Variants in ATXN1 observed in about 807,000 individuals in gnomAD.
ATXN1 encodes the protein ataxin 1, also known as ataxin-1.
Under a neutral mutation model 56.4 loss-of-function variants are expected in ATXN1, and 8 were observed. The observed-to-expected ratio is 0.14, with a 90% CI of 0.08 to 0.26. The LOEUF (loss-of-function observed/expected upper bound fraction) is 0.26, where lower values mean the gene tolerates loss of function less well. Ranked by LOEUF, ATXN1 falls within the 10% of genes least tolerant of loss-of-function variation. ATXN1 has a pLI of 1.00. For synonymous variants in ATXN1, 514 were observed against 494.6 expected (o/e 1.04, Z -0.52); for missense variants, 987 against 1,106.5 (o/e 0.89, Z 1.53).
In ATXN1 at chr6:16,324,160, A is replaced by G. The variant is rs1285256779; in HGVS notation, c.1917+2234T>C. Among the ~76,000 whole-genome samples the G allele has an allele frequency of 2.0e-5, 3 of 152,302 alleles. No individual in the cohort carries two copies. The East Asian group carries it at 5.8e-4, about 29-fold the overall frequency. On this transcript the variant is annotated intron_variant, in intron 7 of 7. Coordinates refer to ENST00000436367, the MANE Select transcript of ATXN1 (RefSeq NM_001128164.2). Reference sequence around the variant, plus strand: ...TGGGCATTTAAGAAATGCTCAAAAAAGCCAGACATAGGGACTCGTGTCTGT... The same window carrying G: ...TGGGCATTTAAGAAATGCTCAAAAAGGCCAGACATAGGGACTCGTGTCTGT...
At chr6:16,455,870 GGTAAAATGCACCAATCAACGCTCT>G (rs1279326648) in intron 6 of ATXN1, among the ~76,000 whole-genome samples, 40 of 152,140 alleles carry the variant, frequency 2.6e-4, no homozygotes, top group South Asian at 6.2e-4. Context: ...ATCAGCACTT[GGTAAAATGCACCAATCAACGCTCT>G]GTAAAATGCA....
intron 6 of ATXN1, among the ~76,000 whole-genome samples, chr6:16,335,686 T>C (rs914197930): frequency 1.3e-5 from 2 of 152,192 alleles, no homozygotes; most frequent in Non-Finnish European, 1.5e-5. Context: ...GCAGATGTAA[T>C]TATGGATTTG....
chr6:16,311,240 A>G (rs1038854856), intron 7 of ATXN1, among the ~76,000 whole-genome samples: 36 of 152,352 alleles, frequency 2.4e-4, no homozygotes, highest in African/African-American at 8.4e-4. Context: ...TTTTACGAAT[A>G]GTCACAGAGA....
intron 4 of ATXN1, among the ~76,000 whole-genome samples, chr6:16,557,007 T>C (rs1006995487): frequency 6.6e-6 from 1 of 151,998 alleles, no homozygotes; most frequent in Non-Finnish European, 1.5e-5. Context: ...AGGGATAAAC[T>C]GAAGGAGGAC....
At chr6:16,314,987 G>C (rs553834272) in intron 7 of ATXN1, among the ~76,000 whole-genome samples, 1 of 152,218 alleles carries the variant, frequency 6.6e-6, no homozygotes, top group East Asian at 1.9e-4. Flanking sequence ...AGTATACACC[G>C]AGCACCTGCT....
At chr6:16,480,459 A>G (rs1401910406) in intron 6 of ATXN1, among the ~76,000 whole-genome samples, 1 of 151,998 alleles carries the variant, frequency 6.6e-6, no homozygotes. Flanking sequence ...TCCAGCGCTG[A>G]CAACTCTTAC....
At position 16,709,025 on chromosome 6, in the gene ATXN1, C is replaced by CA. The variant is rs34066790; in HGVS notation, c.-615+44207dup. Among the ~76,000 whole-genome samples, 145 of 120,958 alleles carry CA rather than the reference C, an allele frequency of 1.2e-3. 1 individual carries two copies. The highest frequency in any genetic ancestry group is 1.6e-3 in the African/African-American group (52 of 31,674). The allele number at this position is 120,958 out of a possible 152,430, so 79.4% of individuals were successfully genotyped here. A position where few individuals can be genotyped will look rare whatever the true frequency, so the allele number is the denominator to read the frequency against. On this transcript the variant is annotated intron_variant, in intron 2 of 7. Transcript: ENST00000436367. ...TGGGTGAAAGAGCGAAACTCTGTCT[C>CA]AAAAAAAAAAAAAGAAAAGAAAAGA...
intron 4 of ATXN1, among the ~76,000 whole-genome samples, chr6:16,574,315 C>A (rs574304451): frequency 4.0e-4 from 61 of 152,378 alleles, no homozygotes; most frequent in Non-Finnish European, 6.3e-4. Context: ...AAGTGCTTCT[C>A]CTGCCTCAGC....
At chr6:16,525,658 T>TA (rs1761376334) in intron 4 of ATXN1, among the ~76,000 whole-genome samples, 1 of 152,138 alleles carries the variant, frequency 6.6e-6, no homozygotes, top group South Asian at 2.1e-4. Context: ...CATTTTAAAA[T>TA]AAAGAGTATA....
Position 16,474,586 on chromosome 6 carries a change from A to G in ATXN1, c.-161+11386T>C, listed in dbSNP as rs73724876. On this transcript the variant is annotated intron_variant, in intron 6 of 7. Transcript: ENST00000436367. The stretch of plus-strand genomic sequence containing the variant: ...TAACTGTTGGGATGGCTTGTTACAC[A>G]GTATATGCTAACTGATACATCCACT... 1.2e-3 allele frequency among the ~76,000 whole-genome samples: 185 copies of G among 152,326 alleles called. 1 individual carries two copies. Among genetic ancestry groups the G allele is most frequent in the African/African-American group, 4.2e-3 (176 of 41,580 alleles).
chr6:16,392,765 G>A (rs573851954), intron 6 of ATXN1, among the ~76,000 whole-genome samples: 2 of 152,278 alleles, frequency 1.3e-5, no homozygotes, highest in South Asian at 4.1e-4. Flanking sequence ...CAAAGTGCTA[G>A]GACTAGAGGC....
intron 2 of ATXN1, among the ~76,000 whole-genome samples, chr6:16,741,642 C>T (rs73725225): frequency 0.054 from 8,192 of 152,226 alleles, 741 homozygotes; most frequent in African/African-American, 0.18. Context: ...AAAAAACCCT[C>T]CCTCCAGGAC....
At chr6:16,529,965 T>G (rs1012726043) in intron 4 of ATXN1, among the ~76,000 whole-genome samples, 1 of 152,212 alleles carries the variant, frequency 6.6e-6, no homozygotes, top group African/African-American at 2.4e-5. Flanking sequence ...ATAAAAGGCA[T>G]GCTTATTGAG....
chr6:16,387,870 G>A (rs911227959), intron 6 of ATXN1, among the ~76,000 whole-genome samples: 1 of 152,086 alleles, frequency 6.6e-6, no homozygotes, highest in African/African-American at 2.4e-5. Flanking sequence ...TACATGCCAG[G>A]TAGTGTACAA....
chr6:16,459,822 C>G (rs1363830584), intron 6 of ATXN1, among the ~76,000 whole-genome samples: 2 of 152,200 alleles, frequency 1.3e-5, no homozygotes, highest in African/African-American at 4.8e-5. Flanking sequence ...GGATGATTTA[C>G]TTTTGGCTAC....
chr6:16,751,761 A>G (rs777019009), intron 2 of ATXN1, among the ~76,000 whole-genome samples: 4 of 152,236 alleles, frequency 2.6e-5, no homozygotes, highest in African/African-American at 4.8e-5. Flanking sequence ...CTAGTCATGT[A>G]TGGTTCAGGA....
chr6:16,408,530 A>G (rs1409158620), intron 6 of ATXN1, among the ~76,000 whole-genome samples: 2 of 152,142 alleles, frequency 1.3e-5, no homozygotes, highest in East Asian at 3.9e-4. Flanking sequence ...AAAAAAAAAA[A>G]AGTTAACAGT....
chr6:16,324,656 T>C (rs1177674065), intron 7 of ATXN1, among the ~76,000 whole-genome samples: 1 of 152,178 alleles, frequency 6.6e-6, no homozygotes, highest in Admixed American at 6.5e-5. Context: ...CCAGGAAAGC[T>C]CTCAGCTGCA....
chr6:16,368,351 T>A (rs1370596338), intron 6 of ATXN1, among the ~76,000 whole-genome samples: 1 of 123,858 alleles, frequency 8.1e-6, no homozygotes, highest in African/African-American at 5.1e-5. Flanking sequence ...TTCTTTTTTT[T>A]TTTTTTTTTT....
Sources: allele counts gnomAD v4.1 joint callset (sites outside exome capture counted in the v4.1 genomes callset), GRCh38; gene constraint gnomAD v4.1.1; transcripts MANE v1.5; gene names NCBI Gene and HGNC (gene_info 2026-07-23, HGNC 2026-07-21).